Variants in ADCY8 observed in about 807,000 individuals in gnomAD.
ADCY8 encodes the protein adenylate cyclase type 8.
Under a neutral mutation model 119.7 loss-of-function variants are expected in ADCY8, and 51 were observed. That is an observed-to-expected ratio of 0.43 (90% CI 0.34 to 0.54). ADCY8 has a LOEUF of 0.54. ADCY8 is among the 20% of genes least tolerant of loss of function. The pLI, the probability that ADCY8 is intolerant of heterozygous loss-of-function variation, is 0.03. For synonymous variants in ADCY8, 665 were observed against 651.0 expected, an observed-to-expected ratio of 1.02 and a Z score of -0.33; for missense variants, 1,383 against 1,598.8, an observed-to-expected ratio of 0.87 and a Z score of 2.30.
At position 130,850,530 on chromosome 8, in the gene ADCY8, G is replaced by T. The variant is rs530378094; in HGVS notation, c.2211-727C>A. Among the ~76,000 whole-genome samples the T allele has an allele frequency of 2.6e-4, 39 of 151,992 alleles. No homozygotes were observed. The South Asian group carries it at 5.6e-3, about 22-fold the overall frequency. On this transcript the variant is annotated intron_variant, in intron 9 of 17. Transcript: ENST00000286355. ...ATCACCATGCAATCTGCTTCTCCTT[G>T]GGAATTAATTCTTTGTTCTCAACTC...
intron 1 of ADCY8, among the ~76,000 whole-genome samples, chr8:131,014,363 C>T (rs1563768202): frequency 3.3e-5 from 5 of 152,224 alleles, no homozygotes; most frequent in African/African-American, 7.2e-5. Flanking sequence ...CCTTGTGACA[C>T]ATTAGGTAGT....
intron 1 of ADCY8, among the ~76,000 whole-genome samples, chr8:130,991,590 G>A (rs530490064): frequency 2.0e-5 from 3 of 152,106 alleles, no homozygotes; most frequent in Non-Finnish European, 4.4e-5. Flanking sequence ...AAAGTGAAAC[G>A]GAACAAAACA....
chr8:130,809,481 C>T (rs1367853491), intron 14 of ADCY8, among the ~76,000 whole-genome samples: 1 of 152,162 alleles, frequency 6.6e-6, no homozygotes, highest in Non-Finnish European at 1.5e-5. Context: ...TGTAGTCCCC[C>T]CAGTCCTTCT....
Position 131,039,839 on chromosome 8 carries a change from A to G in ADCY8, c.495T>C (p.Asp165=). ...PTLRNSFKSR[D]LERLYQRYFL... is the part of the protein sequence containing the mutation. ...AATAGCGCTGGTAGAGGCGTTCCAA[A>G]TCCCGAGATTTGAAGGAGTTGCGCA... The change falls in exon 1 of 18, where the codon GAT becomes GAC. Residue 165 remains aspartate, a synonymous_variant. Coordinates refer to ENST00000286355, the MANE Select transcript of ADCY8 (RefSeq NM_001115.3). 1 of 1,614,124 alleles carries G rather than the reference A, an allele frequency of 6.2e-7. No individual in the cohort carries two copies. Among genetic ancestry groups the G allele is most frequent in the Non-Finnish European group, 8.5e-7 (1 of 1,180,014 alleles).
chr8:130,898,086 A>G (rs1255870019), intron 7 of ADCY8, among the ~76,000 whole-genome samples: 1 of 152,162 alleles, frequency 6.6e-6, no homozygotes, highest in East Asian at 1.9e-4. Context: ...TCAGGCCACA[A>G]AGATGGAAGC....
intron 7 of ADCY8, among the ~76,000 whole-genome samples, chr8:130,900,106 T>C (rs1819545738): frequency 6.6e-6 from 1 of 152,126 alleles, no homozygotes; most frequent in South Asian, 2.1e-4. Context: ...AGGCATCAAA[T>C]TAAGAGGCAG....
In ADCY8 at chr8:130,957,340, G is replaced by T. The variant is rs142561074; in HGVS notation, c.1111-5342C>A. ...GATTTGTGGAAATTTGAACTTGAGA[G>T]AAATGATTTAGGGTATCTAAGGGAA... is the stretch of plus-strand genomic sequence containing the variant. On this transcript the variant is annotated intron_variant, in intron 2 of 17. Transcript: ENST00000286355. Among the ~76,000 whole-genome samples the T allele has an allele frequency of 7.2e-3, 1,095 of 152,304 alleles. 18 individuals carry two copies. The highest frequency in any genetic ancestry group is 0.024 in the African/African-American group (1,015 of 41,548).
chr8:130,836,816 C>T (rs1270363801), intron 11 of ADCY8, among the ~76,000 whole-genome samples: 1 of 152,184 alleles, frequency 6.6e-6, no homozygotes, highest in East Asian at 1.9e-4. Context: ...TTACTGCAAC[C>T]TCCTCCTCCC....
At chr8:130,903,602 A>G (rs1191289532) in intron 7 of ADCY8, among the ~76,000 whole-genome samples, 170 bp downstream of exon 7, 1 of 151,206 alleles carries the variant, frequency 6.6e-6, no homozygotes, top group East Asian at 2.0e-4. Context: ...GAAATTGCAT[A>G]CGAGGTTAAT....
chr8:130,803,578 T>C (rs1815850090), intron 14 of ADCY8, among the ~76,000 whole-genome samples: 1 of 152,230 alleles, frequency 6.6e-6, no homozygotes, highest in African/African-American at 2.4e-5. Flanking sequence ...GTAGGAAACA[T>C]GAAACCTTAT....
At chr8:130,954,932 G>A (rs531569226) in intron 2 of ADCY8, among the ~76,000 whole-genome samples, 12 of 152,318 alleles carry the variant, frequency 7.9e-5, no homozygotes, top group African/African-American at 2.9e-4. Flanking sequence ...AAGAACCATT[G>A]TTCATTAAGG....
chr8:130,827,675 C>T (rs1816709148), intron 12 of ADCY8, among the ~76,000 whole-genome samples: 1 of 152,144 alleles, frequency 6.6e-6, no homozygotes, highest in Non-Finnish European at 1.5e-5. Context: ...CCTAAATTTT[C>T]CTGGCACAAG....
intron 1 of ADCY8, among the ~76,000 whole-genome samples, chr8:131,006,377 G>A (rs1455393549): frequency 1.3e-5 from 2 of 152,166 alleles, no homozygotes; most frequent in African/African-American, 4.8e-5. Flanking sequence ...GCACTGAAGA[G>A]GCACCAGTGA....
At chr8:130,920,543 C>T (rs567248781) in intron 5 of ADCY8, among the ~76,000 whole-genome samples, 57 of 152,168 alleles carry the variant, frequency 3.7e-4, no homozygotes, top group Non-Finnish European at 6.5e-4. Context: ...AAAGTAATTG[C>T]GGTTTTTGCC....
At chr8:130,923,910 T>A (rs906444970) in intron 5 of ADCY8, among the ~76,000 whole-genome samples, 2 of 152,220 alleles carry the variant, frequency 1.3e-5, no homozygotes, top group African/African-American at 4.8e-5. Context: ...GATTAGGGCT[T>A]ATTATCTTGT....
chr8:130,887,708 T>A (rs1261022697), intron 7 of ADCY8, among the ~76,000 whole-genome samples: 1 of 152,166 alleles, frequency 6.6e-6, no homozygotes, highest in African/African-American at 2.4e-5. Flanking sequence ...TGCTTTCATT[T>A]AACCCTCAGT....
chr8:130,819,831 C>T (rs1198638847), intron 13 of ADCY8, among the ~76,000 whole-genome samples: 1 of 152,214 alleles, frequency 6.6e-6, no homozygotes, highest in Non-Finnish European at 1.5e-5. Flanking sequence ...CCTAGTGTTT[C>T]ATCATAATTT....
chr8:130,820,569 T>C (rs1190071187), intron 13 of ADCY8, among the ~76,000 whole-genome samples: 1 of 152,214 alleles, frequency 6.6e-6, no homozygotes, highest in Non-Finnish European at 1.5e-5. Context: ...GATGTTCCTA[T>C]GAAGAATAAT....
At chr8:130,813,618 G>A (rs1563675341) in intron 14 of ADCY8, among the ~76,000 whole-genome samples, 1 of 152,110 alleles carries the variant, frequency 6.6e-6, no homozygotes, top group East Asian at 1.9e-4. Context: ...ATCACATTTT[G>A]TTTATCTATT....
Sources: allele counts gnomAD v4.1 joint callset (sites outside exome capture counted in the v4.1 genomes callset), GRCh38; gene constraint gnomAD v4.1.1; transcripts MANE v1.5; gene names NCBI Gene and HGNC (gene_info 2026-07-23, HGNC 2026-07-21).